KHK: variants seen among roughly 807,000 people sequenced by gnomAD.
KHK encodes the protein ketohexokinase, also known as fructokinase.
A neutral mutation model predicts 36.0 loss-of-function variants in KHK; 37 were observed. That is an observed-to-expected ratio of 1.03 (90% confidence interval 0.79 to 1.35). The LOEUF (loss-of-function observed/expected upper bound fraction) is 1.35, where lower values mean the gene tolerates loss of function less well. KHK is among the 40% of genes most tolerant of loss of function. The probability of loss-of-function intolerance (pLI) is 0.00; values close to 1 mark genes in which losing one functional copy is unlikely to be tolerated. For missense variants in KHK, 395 were observed against 391.9 expected, an observed-to-expected ratio of 1.01 and a Z score of -0.07; for synonymous variants, 161 against 162.8, an observed-to-expected ratio of 0.99 and a Z score of 0.08.
intron 2 of KHK, chr2:27,094,552 C>T: frequency 1.2e-6 from 2 of 1,614,174 alleles, no homozygotes; most frequent in Non-Finnish European, 1.7e-6. Flanking sequence ...GCTCCGTCCC[C>T]ATCGCCACGG....
chr2:27,091,269 T>C (rs1669987109), intron 1 of KHK, among the ~76,000 whole-genome samples: 1 of 151,982 alleles, frequency 6.6e-6, no homozygotes, highest in South Asian at 2.1e-4. Context: ...TTTTTTTTTT[T>C]TAGAGACAAG....
intron 3 of KHK, among the ~76,000 whole-genome samples, chr2:27,096,298 C>A (rs935173071): frequency 6.6e-6 from 1 of 152,152 alleles, no homozygotes; most frequent in African/African-American, 2.4e-5. Context: ...TAAACCCCAA[C>A]GCTGGGGCGC....
At chr2:27,089,755 G>T (rs568279184) in intron 1 of KHK, among the ~76,000 whole-genome samples, 1 of 152,334 alleles carries the variant, frequency 6.6e-6, no homozygotes, top group Non-Finnish European at 1.5e-5. Flanking sequence ...CTTCCTGGGT[G>T]TCTCAGCCCC....
At chr2:27,097,435 G>A in intron 4 of KHK, 68 bp from the exon 5 acceptor site, 2 of 1,604,006 alleles carry the variant, frequency 1.2e-6, no homozygotes, top group South Asian at 2.2e-5. Context: ...GTTTCAGCGG[G>A]GCAGGAAGAA....
Position 27,099,419 on chromosome 2 carries a change from G to A in KHK, c.654-1G>A, listed in dbSNP as rs1558452945. The A allele has an allele frequency of 1.2e-6, 2 of 1,613,704 alleles. No individual in the cohort carries two copies. The highest frequency in any genetic ancestry group is 1.1e-5 in the South Asian group (1 of 91,084). On this transcript the variant is annotated splice_acceptor_variant, in intron 6 of 7. Transcript: ENST00000260598. LOFTEE classifies it high-confidence loss of function. ...CCCAGCTGAGTGGAGCCGTCTTGCA[G>A]GGCTGTGCTTGTCTGTGCCTGGGCT...
In KHK at chr2:27,099,715, A is replaced by G. The variant is rs1443239293; in HGVS notation, c.862A>G (p.Lys288Glu). 1 of 1,613,958 alleles carries G rather than the reference A, an allele frequency of 6.2e-7. No individual in the cohort carries two copies. The stretch of plus-strand genomic sequence containing the variant: ...ATTCGGGTGCCAGGTGGCCGGCAAG[A>G]AGTGTGGCCTGCAGGGCTTTGATGG... ...LRFGCQVAGK[K>E]CGLQGFDGIV Residue 288 changes from lysine (K) to glutamate (E), a missense_variant, in exon 8 of 8, where the codon AAG (lysine) becomes GAG (glutamate). Coordinates refer to ENST00000260598, the MANE Select transcript of KHK (RefSeq NM_006488.3).
Position 27,099,491 on chromosome 2 carries a change from CG to C in KHK, c.727del (p.Asp243MetfsTer36), listed in dbSNP as rs776125990. 6 of 1,614,142 alleles carry C rather than the reference CG, an allele frequency of 3.7e-6. No homozygotes were observed. The highest frequency in any genetic ancestry group is 5.1e-6 in the Non-Finnish European group (6 of 1,180,028). Reference sequence around the variant, plus strand: ...GGCCCTGATGGCAAATTGCTCCACTCGGATGCTTTCCCGCCACCCCGCGTGG... The same window carrying C: ...GGCCCTGATGGCAAATTGCTCCACTCGATGCTTTCCCGCCACCCCGCGTGG... ...ALGPDGKLLH[S>X]DAFPPPRVVD... On this transcript the variant is annotated frameshift_variant, in exon 7 of 8. Coordinates refer to ENST00000260598, the MANE Select transcript of KHK (RefSeq NM_006488.3). LOFTEE classifies it high-confidence loss of function.
chr2:27,098,358 T>C (rs1670533993), intron 5 of KHK, among the ~76,000 whole-genome samples: 1 of 151,234 alleles, frequency 6.6e-6, no homozygotes, highest in Middle Eastern at 3.4e-3. Flanking sequence ...CCTGTCTCTA[T>C]GAAAATAAAT....
chr2:27,093,761 CTG>C (rs1670149659), intron 2 of KHK, among the ~76,000 whole-genome samples: 1 of 152,234 alleles, frequency 6.6e-6, no homozygotes, highest in Non-Finnish European at 1.5e-5. Context: ...AGGGCTGGGG[CTG>C]ACCTCCTTGT....
intron 4 of KHK, among the ~76,000 whole-genome samples, chr2:27,097,010 C>A (rs553412712): frequency 1.3e-5 from 2 of 152,240 alleles, no homozygotes; most frequent in African/African-American, 4.8e-5. Context: ...CACAGCAGAA[C>A]GTAAGCACAG....
chr2:27,090,468 T>A (rs1669928543), intron 1 of KHK, among the ~76,000 whole-genome samples: 1 of 148,796 alleles, frequency 6.7e-6, no homozygotes, highest in African/African-American at 2.5e-5. Flanking sequence ...TTTTTTTTTT[T>A]TTTGGAGACA....
rs531849460 is a variant in KHK, at chr2:27,086,896, A to G, written c.-364A>G. On this transcript the variant is annotated 5_prime_UTR_variant, in exon 1 of 8. Coordinates refer to ENST00000260598, the MANE Select transcript of KHK (RefSeq NM_006488.3). The stretch of plus-strand genomic sequence containing the variant: ...TCTCTTTGCATTCTCGAGATCGCTT[A>G]GCCGCGCTTTAAAAAGGTTTGCATC... The G allele has an allele frequency of 4.6e-5, 9 of 196,488 alleles. No individual in the cohort carries two copies. The highest frequency in any genetic ancestry group is 4.5e-4 in the South Asian group (4 of 8,798). 12.2% of individuals were successfully genotyped at this position (196,488 alleles called of 1,614,324 possible).
chr2:27,093,269 A>T (rs1408807222), intron 2 of KHK, among the ~76,000 whole-genome samples: 1 of 152,188 alleles, frequency 6.6e-6, no homozygotes, highest in Non-Finnish European at 1.5e-5. Context: ...GGAAGAGAAT[A>T]GAGGGAGAGA....
At chr2:27,097,694 G>C in intron 5 of KHK, 45 bp downstream of exon 5, 1 of 1,612,858 alleles carries the variant, frequency 6.2e-7, no homozygotes, top group Non-Finnish European at 8.5e-7. Flanking sequence ...CAGCTAATTT[G>C]GTTCTTAAAG....
chr2:27,096,865 C>T, intron 4 of KHK, 64 bp downstream of exon 4: 1 of 1,211,770 alleles, frequency 8.3e-7, no homozygotes. Context: ...CATGTTCTGC[C>T]TCCTTGGTTT....
chr2:27,087,156 G>A lies in KHK; in HGVS notation c.-104G>A. The A allele has an allele frequency of 1.0e-6, 1 of 959,396 alleles. No homozygotes were observed. Among genetic ancestry groups the A allele is most frequent in the East Asian group, 2.6e-5 (1 of 37,750 alleles). The allele number at this position is 959,396 out of a possible 1,614,324, so 59.4% of individuals were successfully genotyped here. Reference sequence around the variant, plus strand: ...GAGGAGGAGCTCCCACGCGGAGGAGGAGCCAGGGCAGCTGGGAGCGGGGAC... The same window carrying A: ...GAGGAGGAGCTCCCACGCGGAGGAGAAGCCAGGGCAGCTGGGAGCGGGGAC... On this transcript the variant is annotated 5_prime_UTR_variant, in exon 1 of 8. Coordinates refer to ENST00000260598, the MANE Select transcript of KHK (RefSeq NM_006488.3).
Position 27,099,886 on chromosome 2 carries a change from T to C in KHK, c.*136T>C, listed in dbSNP as rs1670700598. On this transcript the variant is annotated 3_prime_UTR_variant, in exon 8 of 8. Coordinates refer to ENST00000260598, the MANE Select transcript of KHK (RefSeq NM_006488.3). ...AGCTGTGGGGAGGACTCTGCCTGTG[T>C]CCTGTGTTCCCCACAGGGAGAGGCT... 2 of 1,544,274 alleles carry C rather than the reference T, an allele frequency of 1.3e-6. No homozygotes were observed. The highest frequency in any genetic ancestry group is 1.8e-6 in the Non-Finnish European group (2 of 1,142,104).
At chr2:27,096,285 A>G (rs1670333940) in intron 3 of KHK, among the ~76,000 whole-genome samples, 1 of 152,192 alleles carries the variant, frequency 6.6e-6, no homozygotes, top group South Asian at 2.1e-4. Flanking sequence ...GGGGTGCCAT[A>G]GGTAAACCCC....
rs1461428597 is a variant in KHK at position 27,097,622 on chromosome 2, C to A, written c.537C>A (p.Leu179=). 1 of 1,614,028 alleles carries A rather than the reference C, an allele frequency of 6.2e-7. No individual in the cohort carries two copies. The highest frequency in any genetic ancestry group is 8.5e-7 in the Non-Finnish European group (1 of 1,180,056). The change falls in exon 5 of 8, where the codon CTC becomes CTA. Residue 179 remains leucine (L), a synonymous_variant. Transcript: ENST00000260598. The part of the protein sequence containing the change: ...SVEVEKPREE[L]FQLFGYGDVV... ...AGGTGGAGAAGCCACGAGAGGAGCT[C>A]TTCCAGCTGTTTGGCTACGGAGACG...
Sources: gnomAD v4.1 joint callset for allele counts (sites outside exome capture counted in the v4.1 genomes callset) on GRCh38, gnomAD v4.1.1 for gene constraint, MANE v1.5 for transcripts, NCBI Gene and HGNC (gene_info 2026-07-23, HGNC 2026-07-21) for gene names.